Variants in QARS1 observed in about 807,000 individuals in gnomAD.
QARS1 encodes the protein glutaminyl-tRNA synthetase 1, also known as glutamine--tRNA ligase.
Under a neutral mutation model 106.9 loss-of-function variants are expected in QARS1, and 79 were observed. The ratio of observed to expected loss-of-function variants is 0.74; its 90% CI spans 0.62 to 0.89. The LOEUF is 0.89. QARS1 is among the 40% of genes least tolerant of loss of function. The pLI, the probability that QARS1 is intolerant of heterozygous loss-of-function variation, is 0.00. For synonymous variants in QARS1, 395 were observed against 367.7 expected (o/e 1.07, Z -0.85); for missense variants, 966 against 997.2 (o/e 0.97, Z 0.42).
At chr3:49,104,169 G>T in intron 2 of QARS1, 155 bp downstream of exon 2, 1 of 1,223,730 alleles carries the variant, frequency 8.2e-7, no homozygotes, top group Non-Finnish European at 1.2e-6. Flanking sequence ...CAGTTCCCGT[G>T]TCAGTCTCAC....
rs367776807 is a variant in QARS1 at position 49,098,489 on chromosome 3, G to C, written c.1957-9C>G. ...ACACAACCACTGGGGCCCTGGAAGT[G>C]GGGGGAGGGGAGCAGCAATTAGACC... On this transcript the variant is annotated splice_polypyrimidine_tract_variant and intron_variant, in intron 20 of 23. Coordinates refer to ENST00000306125, the MANE Select transcript of QARS1 (RefSeq NM_005051.3). 2.3e-5 allele frequency: 37 copies of C among 1,613,994 alleles called. No homozygotes were observed. The highest frequency in any genetic ancestry group is 3.3e-4 in the Middle Eastern group (2 of 6,060).
In QARS1 at chr3:49,101,640, G is replaced by T. The variant is rs1037854666; in HGVS notation, c.769C>A (p.Leu257Met). 1 of 1,613,874 alleles carries T rather than the reference G, an allele frequency of 6.2e-7. No homozygotes were observed. The highest frequency in any genetic ancestry group is 1.3e-5 in the African/African-American group (1 of 75,028). ...CACACCTGCCCACCAGTAATCTCCA[G>T]GTGCTGCTTTAGTAGATTCATGGTG... ...PHTMNLLKQH[L>M]EITGGQVRTR... The change falls in exon 9 of 24, where the codon CTG (leucine) becomes ATG (methionine). Residue 257 changes from leucine (L) to methionine (M), a missense_variant. Transcript: ENST00000306125.
intron 4 of QARS1, 96 bp from the exon 5 acceptor site, chr3:49,103,505 G>A: frequency 6.3e-7 from 1 of 1,575,604 alleles, no homozygotes; most frequent in Non-Finnish European, 8.7e-7. Flanking sequence ...ACCAGAACCA[G>A]AGCCTGAGCC....
intron 10 of QARS1, 157 bp from the exon 11 acceptor site, chr3:49,100,831 GC>G: frequency 1.4e-6 from 1 of 721,388 alleles, no homozygotes; most frequent in Non-Finnish European, 2.5e-6. Flanking sequence ...GCTCACTGCA[GC>G]CTCCACCTCC....
rs750050042 is a variant in QARS1, at chr3:49,104,482, A to G, written c.118-11T>C. On this transcript the variant is annotated splice_polypyrimidine_tract_variant and intron_variant, in intron 1 of 23. Transcript: ENST00000306125. ...CAGGGTCTGCTGAGCCTGAGGTCAG[A>G]GGGGTCAAGAGAGAAGCCCCGCGCT... The G allele has an allele frequency of 6.2e-7, 1 of 1,613,506 alleles. No homozygotes were observed. The highest frequency in any genetic ancestry group is 1.7e-5 in the Admixed American group (1 of 59,994).
Position 49,104,704 on chromosome 3 carries a change from G to A in QARS1, c.30C>T (p.Phe10=), listed in dbSNP as rs757700645. 1.9e-6 allele frequency: 3 copies of A among 1,612,852 alleles called. No individual in the cohort carries two copies. Among genetic ancestry groups the A allele is most frequent in the East Asian group, 2.2e-5 (1 of 44,850 alleles). Residue 10 remains phenylalanine, a synonymous_variant, in exon 1 of 24, where the codon TTC becomes TTT. Transcript: ENST00000306125. The stretch of plus-strand genomic sequence containing the variant: ...TCTGCTCGCTCAGGCCGAGGCTAGT[G>A]AAGAGCGACAGGGAGTCTAGAGCCG... MAALDSLSL[F]TSLGLSEQKA... is the part of the protein sequence containing the mutation.
chr3:49,096,159 T>G (rs919759643), intron 23 of QARS1, 80 bp from the exon 24 acceptor site: 4 of 1,432,558 alleles, frequency 2.8e-6, no homozygotes, highest in Non-Finnish European at 3.9e-6. Flanking sequence ...CACAGACACC[T>G]CCCCCTAACA....
At chr3:49,102,539 AC>A in intron 5 of QARS1, 67 bp from the exon 6 acceptor site, 6 of 1,563,004 alleles carry the variant, frequency 3.8e-6, no homozygotes, top group Non-Finnish European at 5.3e-6. Flanking sequence ...GACTGATCCT[AC>A]CCACCAACCC....
At chr3:49,096,484 C>T (rs1321838198) in intron 23 of QARS1, among the ~76,000 whole-genome samples, 29 of 151,850 alleles carry the variant, frequency 1.9e-4, no homozygotes, top group African/African-American at 6.5e-4. Flanking sequence ...GCCAACATGG[C>T]AAAACCCCGT....
At chr3:49,102,072 C>T in intron 7 of QARS1, 133 bp downstream of exon 7, 2 of 1,350,620 alleles carry the variant, frequency 1.5e-6, no homozygotes, top group South Asian at 2.6e-5. Context: ...AAAGAAACAC[C>T]AGGAATCCCA....
rs1361997150 is a variant in QARS1, at chr3:49,101,236, A to T, written c.876+119T>A. ...TCTGTCACACATGTGGTTCCTTTCC[A>T]TGGCCTCTGCCCACCTGGGTACATT... is the stretch of plus-strand genomic sequence containing the variant. On this transcript the variant is annotated intron_variant, in intron 10 of 23. Transcript: ENST00000306125. 5 of 772,762 alleles carry T rather than the reference A, an allele frequency of 6.5e-6. No homozygotes were observed. In the Admixed American group the frequency reaches 7.4e-5, roughly 11 times the overall value. 47.9% of individuals were successfully genotyped at this position (772,762 alleles called of 1,614,324 possible).
chr3:49,098,286 C>CA (rs1359785267), intron 21 of QARS1, 28 bp from the exon 22 acceptor site: 2 of 1,614,118 alleles, frequency 1.2e-6, no homozygotes, highest in Non-Finnish European at 1.7e-6. Flanking sequence ...GTCATACCCC[C>CA]AGCTGGGCAG....
At chr3:49,102,544 C>A (rs1559969563) in intron 5 of QARS1, 72 bp from the exon 6 acceptor site, 17 of 1,552,660 alleles carry the variant, frequency 1.1e-5, no homozygotes, top group Non-Finnish European at 1.1e-5. Context: ...ATCCTACCCA[C>A]CAACCCAAGG....
At chr3:49,098,822 G>A in intron 19 of QARS1, 63 bp downstream of exon 19, 2 of 1,509,958 alleles carry the variant, frequency 1.3e-6, no homozygotes, top group Non-Finnish European at 1.8e-6. Context: ...CAGAGATGAG[G>A]AGATGAAAGG....
rs199903047 is a variant in QARS1, at chr3:49,099,262, A to G, written c.1615-9T>C. On this transcript the variant is annotated splice_polypyrimidine_tract_variant and intron_variant, in intron 17 of 23. Transcript: ENST00000306125. ...GCCACAGTCACTCCCACCTGGCAGG[A>G]AAGTTCAGCATCAGTCACAGCTACA... The G allele has an allele frequency of 1.7e-4, 276 of 1,614,158 alleles. 1 individual carries two copies. Among genetic ancestry groups the G allele is most frequent in the Admixed American group, 1.5e-3 (89 of 60,014 alleles).
rs750282631 is a variant in QARS1, at chr3:49,099,580, G to A, written c.1456C>T (p.Arg486Cys). ...ACAACAGCATAGTGCAGGTTGAGGC[G>A]GCCATACTCCCACTGCACAGGGCAA... The part of the protein sequence containing the change: ...VYCPVQWEYG[R>C]LNLHYAVVSK... The change falls in exon 16 of 24, where the codon CGC (arginine) becomes TGC (cysteine). Residue 486 changes from arginine (R) to cysteine (C), a missense_variant. Physicochemically the swap from Arg to Cys is radical, Grantham distance 180. Transcript: ENST00000306125. The A allele has an allele frequency of 5.6e-6, 9 of 1,614,134 alleles. No individual in the cohort carries two copies. Among genetic ancestry groups the A allele is most frequent in the South Asian group, 1.1e-5 (1 of 91,082 alleles).
chr3:49,098,862 G>A, intron 19 of QARS1, 23 bp downstream of exon 19: 1 of 1,589,030 alleles, frequency 6.3e-7, no homozygotes, highest in South Asian at 1.1e-5. Context: ...CAGCAAACGG[G>A]ACCCTCCACC....
At chr3:49,097,367 G>GTTGGCC (rs1366243457) in intron 23 of QARS1, 1 of 151,936 alleles carries the variant, frequency 6.6e-6, no homozygotes, top group Admixed American at 6.5e-5. Context: ...GTTTCACCAT[G>GTTGGCC]TTGGCCAGGG....
chr3:49,098,162 C>T, intron 22 of QARS1, 30 bp downstream of exon 22: 2 of 1,613,572 alleles, frequency 1.2e-6, no homozygotes, highest in Non-Finnish European at 1.7e-6. Flanking sequence ...GGGAGGCCTA[C>T]CTCCCTCACC....
Sources: allele counts gnomAD v4.1 joint callset (sites outside exome capture counted in the v4.1 genomes callset), GRCh38; gene constraint gnomAD v4.1.1; transcripts MANE v1.5; gene names NCBI Gene and HGNC (gene_info 2026-07-23, HGNC 2026-07-21).